The following PKP4 variants were observed in gnomAD, a reference collection of about 807,000 sequenced individuals.
PKP4 encodes the protein plakophilin 4.
In PKP4, 90 loss-of-function variants were observed where a neutral mutation model predicts 145.1. That is an observed-to-expected ratio of 0.62 (90% CI 0.52 to 0.74). The LOEUF (loss-of-function observed/expected upper bound fraction) is 0.74, where lower values mean the gene tolerates loss of function less well. PKP4 is among the 30% of genes least tolerant of loss of function. PKP4 has a pLI of 0.00. For synonymous variants in PKP4, 563 were observed against 577.2 expected (o/e 0.98, Z 0.35); for missense variants, 1,340 against 1,482.7 (o/e 0.90, Z 1.58).
chr2:158,540,942 T>C (rs1255995730), intron 2 of PKP4, among the ~76,000 whole-genome samples: 3 of 152,168 alleles, frequency 2.0e-5, no homozygotes, highest in Non-Finnish European at 4.4e-5. Flanking sequence ...TTTACAATTC[T>C]TTTCAGAGTT....
At chr2:158,514,867 G>A (rs2041810891) in intron 1 of PKP4, among the ~76,000 whole-genome samples, 1 of 152,136 alleles carries the variant, frequency 6.6e-6, no homozygotes, top group African/African-American at 2.4e-5. Flanking sequence ...CTTAAACCCA[G>A]GAAGCAGAGG....
In PKP4 at chr2:158,564,193, C is replaced by T. The variant is rs186997271; in HGVS notation, c.133-13078C>T. On this transcript the variant is annotated intron_variant, in intron 2 of 21. Coordinates refer to ENST00000389759, the MANE Select transcript of PKP4 (RefSeq NM_003628.6). Reference sequence around the variant, plus strand: ...CACCCTTCTGAGGTGACCAATCATACTGATCTGCTGTGTCTCATTCACAGT... The same window carrying T: ...CACCCTTCTGAGGTGACCAATCATATTGATCTGCTGTGTCTCATTCACAGT... Among the ~76,000 whole-genome samples the T allele has an allele frequency of 3.6e-3, 547 of 152,088 alleles. 14 individuals carry two copies. Among genetic ancestry groups the T allele is most frequent in the Non-Finnish European group, 3.0e-3 (205 of 67,978 alleles).
At chr2:158,549,570 A>G (rs1214975021) in intron 2 of PKP4, among the ~76,000 whole-genome samples, 1 of 151,940 alleles carries the variant, frequency 6.6e-6, no homozygotes, top group African/African-American at 2.4e-5. Context: ...CTGGGCCTGC[A>G]GGTGGTTAGG....
At chr2:158,557,269 A>G (rs1031512499) in intron 2 of PKP4, among the ~76,000 whole-genome samples, 1 of 151,514 alleles carries the variant, frequency 6.6e-6, no homozygotes, top group South Asian at 2.1e-4. Context: ...CAGTAATACT[A>G]TTATCATGAT....
chr2:158,643,544 C>T lies in PKP4; in HGVS notation c.1909+845C>T, dbSNP rs905285220. On this transcript the variant is annotated intron_variant, in intron 11 of 21. Coordinates refer to ENST00000389759, the MANE Select transcript of PKP4 (RefSeq NM_003628.6). Reference sequence around the variant, plus strand: ...TGGGCAACACAGGGAGACCACATCTCTACAAAAAATAAAAATAAGTAGCTG... The same window carrying T: ...TGGGCAACACAGGGAGACCACATCTTTACAAAAAATAAAAATAAGTAGCTG... Among the ~76,000 whole-genome samples, 5 of 151,934 alleles carry T rather than the reference C, an allele frequency of 3.3e-5. 1 individual carries two copies. In the South Asian group the frequency reaches 1.0e-3, roughly 32 times the overall value.
At chr2:158,542,554 T>A (rs941876435) in intron 2 of PKP4, among the ~76,000 whole-genome samples, 7 of 152,170 alleles carry the variant, frequency 4.6e-5, no homozygotes, top group East Asian at 3.8e-4. Context: ...AATTTTTTTT[T>A]AAAAGCAAAC....
chr2:158,653,303 T>G (rs1190512718), intron 11 of PKP4, among the ~76,000 whole-genome samples: 1 of 152,252 alleles, frequency 6.6e-6, no homozygotes, highest in African/African-American at 2.4e-5. Context: ...TTATTTTAAT[T>G]AATCAGTAAA....
intron 1 of PKP4, among the ~76,000 whole-genome samples, chr2:158,478,004 T>G (rs1292716232): frequency 6.6e-6 from 1 of 152,220 alleles, no homozygotes; most frequent in Non-Finnish European, 1.5e-5. Context: ...TCAGTTCTTA[T>G]GTTCTAAGAG....
At chr2:158,586,559 C>T (rs187277145) in intron 3 of PKP4, among the ~76,000 whole-genome samples, 59 of 152,216 alleles carry the variant, frequency 3.9e-4, no homozygotes, top group African/African-American at 1.2e-3. Context: ...ATATAATTAC[C>T]GGAAACCCTC....
In PKP4 at chr2:158,461,986, C is replaced by T. The variant is rs1002059005; in HGVS notation, c.-6+4768C>T. 3.3e-5 allele frequency among the ~76,000 whole-genome samples: 5 copies of T among 152,296 alleles called. No homozygotes were observed. In the East Asian group the frequency reaches 7.7e-4, roughly 23 times the overall value. On this transcript the variant is annotated intron_variant, in intron 1 of 21. Coordinates refer to ENST00000389759, the MANE Select transcript of PKP4 (RefSeq NM_003628.6). ...TATGGGGTTTGACACAAAAATGATACTGTATATGAAGGTTAGGTAAAATAT... is the reference window on the plus strand; with the variant it reads ...TATGGGGTTTGACACAAAAATGATATTGTATATGAAGGTTAGGTAAAATAT...
At chr2:158,479,698 GA>G (rs1209424323) in intron 1 of PKP4, among the ~76,000 whole-genome samples, 1 of 151,392 alleles carries the variant, frequency 6.6e-6, no homozygotes, top group Admixed American at 6.6e-5. Context: ...CTGTATTAAG[GA>G]AAAAAAAGCT....
At chr2:158,612,892 A>G (rs2051265750) in intron 4 of PKP4, among the ~76,000 whole-genome samples, 1 of 152,204 alleles carries the variant, frequency 6.6e-6, no homozygotes, top group South Asian at 2.1e-4. Flanking sequence ...TAGTAAAAGT[A>G]TCATACTGTT....
intron 1 of PKP4, among the ~76,000 whole-genome samples, chr2:158,481,649 A>C (rs751202530): frequency 2.6e-5 from 4 of 152,190 alleles, no homozygotes; most frequent in African/African-American, 9.7e-5. Flanking sequence ...GATACATTTG[A>C]GTATCTTTTC....
At chr2:158,464,573 GC>G (rs1374005495) in intron 1 of PKP4, among the ~76,000 whole-genome samples, 2 of 152,192 alleles carry the variant, frequency 1.3e-5, no homozygotes, top group Admixed American at 1.3e-4. Flanking sequence ...CACATTATTT[GC>G]AAAGGGAAGC....
At chr2:158,467,549 CAA>C (rs70994208) in intron 1 of PKP4, among the ~76,000 whole-genome samples, 1 of 127,872 alleles carries the variant, frequency 7.8e-6, no homozygotes. Flanking sequence ...GAGACCTTGT[CAA>C]AAAAAAAAAA....
At position 158,669,917 on chromosome 2, in the gene PKP4, C is replaced by T. The variant is rs2057413552; in HGVS notation, c.2924+2C>T. The stretch of plus-strand genomic sequence containing the variant: ...CATAACCAAAGGCAGGGGCGACAGG[C>T]AAGTCTGCGGCAAGGAGGTGCAAGC... On this transcript the variant is annotated splice_donor_variant, in intron 17 of 21. Coordinates refer to ENST00000389759, the MANE Select transcript of PKP4 (RefSeq NM_003628.6). LOFTEE classifies it low-confidence loss of function (GC_TO_GT_DONOR). 2.5e-6 allele frequency: 4 copies of T among 1,606,196 alleles called. No homozygotes were observed. Among genetic ancestry groups the T allele is most frequent in the African/African-American group, 2.7e-5 (2 of 74,776 alleles).
chr2:158,614,373 C>G (rs988640136), intron 4 of PKP4, among the ~76,000 whole-genome samples: 5 of 152,038 alleles, frequency 3.3e-5, no homozygotes, highest in African/African-American at 9.7e-5. Context: ...GTAAAGCCAG[C>G]AAAATTTTGA....
chr2:158,621,327 G>A lies in PKP4; in HGVS notation c.509G>A (p.Ser170Asn), dbSNP rs373725210. Residue 170 changes from serine (S) to asparagine (N), a missense_variant, in exon 6 of 22, where the codon AGC becomes AAC. Ser to Asn is a conservative substitution (Grantham distance 46, BLOSUM62 1). Coordinates refer to ENST00000389759, the MANE Select transcript of PKP4 (RefSeq NM_003628.6). ...AGSFHNSQNV[S>N]KADNRQQHSF... The stretch of plus-strand genomic sequence containing the variant: ...AGTTTCCACAACAGCCAGAACGTGA[G>A]CAAGGCAGACAACAGACAGCAGCAT... 262 of 1,614,034 alleles carry A rather than the reference G, an allele frequency of 1.6e-4. No homozygotes were observed. The highest frequency in any genetic ancestry group is 2.0e-4 in the Non-Finnish European group (239 of 1,179,990).
intron 3 of PKP4, among the ~76,000 whole-genome samples, chr2:158,590,312 A>AGTGTGTGTGTGTGT (rs57003090): frequency 4.5e-4 from 56 of 124,232 alleles, no homozygotes; most frequent in Admixed American, 9.9e-4. Flanking sequence ...GAATGTCTTG[A>AGTGTGTGTGTGTGT]GTGTGTGTGT....
Sources: gnomAD v4.1 joint callset for allele counts (sites outside exome capture counted in the v4.1 genomes callset) on GRCh38, gnomAD v4.1.1 for gene constraint, MANE v1.5 for transcripts, NCBI Gene and HGNC (gene_info 2026-07-23, HGNC 2026-07-21) for gene names.